Variants in CSMD3 observed in about 807,000 individuals in gnomAD.
The protein encoded by CSMD3 is CUB and sushi domain-containing protein 3.
CSMD3 carries 177 observed loss-of-function variants against 435.2 expected under a neutral mutation model. That is an observed-to-expected ratio of 0.41 (90% CI 0.36 to 0.46). The LOEUF is 0.46. CSMD3 is among the 20% of genes least tolerant of loss of function. The probability of loss-of-function intolerance (pLI) is 0.34; values close to 1 mark genes in which losing one functional copy is unlikely to be tolerated. For synonymous variants in CSMD3, 1,656 were observed against 1,520.5 expected, an observed-to-expected ratio of 1.09 and a Z score of -2.07; for missense variants, 4,265 against 4,504.6, an observed-to-expected ratio of 0.95 and a Z score of 1.52.
In CSMD3 at chr8:113,397,857, TAAATAAATAAAG is replaced by T. The variant is rs1304670570; in HGVS notation, c.178+38808_178+38819del. Among the ~76,000 whole-genome samples the T allele has an allele frequency of 3.4e-3, 505 of 146,580 alleles. 2 individuals carry two copies. The highest frequency in any genetic ancestry group is 0.013 in the African/African-American group (492 of 38,798). On this transcript the variant is annotated intron_variant, in intron 1 of 70. Coordinates refer to ENST00000297405, the MANE Select transcript of CSMD3 (RefSeq NM_198123.2). ...ATAAATAAATAAATAAATAAATAAA[TAAATAAATAAAG>T]AACACAGACTCTGGAAATAAATAGA...
chr8:112,572,524 G>C (rs1404703537), intron 24 of CSMD3, among the ~76,000 whole-genome samples: 1 of 151,932 alleles, frequency 6.6e-6, no homozygotes, highest in East Asian at 1.9e-4. Flanking sequence ...GATTATCTTT[G>C]ATACTGTAAC....
chr8:112,266,566 T>G (rs555757807), intron 59 of CSMD3, among the ~76,000 whole-genome samples: 1 of 152,346 alleles, frequency 6.6e-6, no homozygotes, highest in East Asian at 1.9e-4. Flanking sequence ...CATTAAACTC[T>G]AAGCACAAGA....
chr8:113,355,743 TATATATACAC>T (rs2094219924), intron 1 of CSMD3, among the ~76,000 whole-genome samples: 2 of 104,810 alleles, frequency 1.9e-5, no homozygotes, highest in Non-Finnish European at 3.5e-5. Flanking sequence ...TATATATATA[TATATATACAC>T]ACACACACAC....
At chr8:113,357,387 C>A (rs996212504) in intron 1 of CSMD3, among the ~76,000 whole-genome samples, 3 of 152,130 alleles carry the variant, frequency 2.0e-5, no homozygotes, top group African/African-American at 4.8e-5. Flanking sequence ...ATGATCTAAA[C>A]CAGTTGCTGC....
intron 1 of CSMD3, among the ~76,000 whole-genome samples, chr8:113,404,734 A>T (rs1467290667): frequency 6.6e-6 from 1 of 151,424 alleles, no homozygotes; most frequent in Non-Finnish European, 1.5e-5. Flanking sequence ...GAGAATTAAA[A>T]TATGGCATAA....
chr8:113,200,687 G>A (rs753126188), intron 3 of CSMD3, among the ~76,000 whole-genome samples: 15 of 150,694 alleles, frequency 1.0e-4, no homozygotes, highest in Non-Finnish European at 1.9e-4. Flanking sequence ...GCTTCATAAC[G>A]AAATGAAGAT....
At chr8:112,245,007 T>C (rs1190035962) in intron 64 of CSMD3, among the ~76,000 whole-genome samples, 1 of 151,796 alleles carries the variant, frequency 6.6e-6, no homozygotes, top group African/African-American at 2.4e-5. Context: ...TTTTATAAAT[T>C]TTAAATGTAT....
intron 13 of CSMD3, among the ~76,000 whole-genome samples, chr8:112,731,129 G>A (rs2077064271): frequency 6.6e-6 from 1 of 151,934 alleles, no homozygotes; most frequent in Non-Finnish European, 1.5e-5. Context: ...GACATATGAA[G>A]TACACATTTC....
chr8:113,136,672 G>A (rs2091426135), intron 4 of CSMD3, among the ~76,000 whole-genome samples: 1 of 151,626 alleles, frequency 6.6e-6, no homozygotes, highest in Non-Finnish European at 1.5e-5. Flanking sequence ...AATGGAAAGT[G>A]AGGAAGGGAA....
chr8:112,851,430 G>A (rs1392846329), intron 11 of CSMD3, among the ~76,000 whole-genome samples: 7 of 152,054 alleles, frequency 4.6e-5, no homozygotes, highest in Non-Finnish European at 8.8e-5. Flanking sequence ...AAACCCATGA[G>A]AGAGAGAATC....
At chr8:112,253,174 TTC>T (rs1198812451) in intron 63 of CSMD3, among the ~76,000 whole-genome samples, 1 of 151,952 alleles carries the variant, frequency 6.6e-6, no homozygotes, top group Non-Finnish European at 1.5e-5. Flanking sequence ...GCAAGTCACA[TTC>T]TGTTTCAGTT....
chr8:113,040,394 A>G (rs2087555945), intron 5 of CSMD3, among the ~76,000 whole-genome samples: 1 of 152,186 alleles, frequency 6.6e-6, no homozygotes, highest in African/African-American at 2.4e-5. Context: ...TCTGATTTGC[A>G]TCTGATAAAA....
In CSMD3 at chr8:112,352,658, G is replaced by A. The variant is rs549003842; in HGVS notation, c.6137-124C>T. The A allele has an allele frequency of 4.8e-3, 3,990 of 836,180 alleles. 19 individuals are homozygous for A. Among genetic ancestry groups the A allele is most frequent in the Non-Finnish European group, 6.6e-3 (3,274 of 495,920 alleles). The allele number at this position is 836,180 out of a possible 1,614,324, so 51.8% of individuals were successfully genotyped here. A position where few individuals can be genotyped will look rare whatever the true frequency, so the allele number is the denominator to read the frequency against. On this transcript the variant is annotated intron_variant, in intron 38 of 70. Coordinates refer to ENST00000297405, the MANE Select transcript of CSMD3 (RefSeq NM_198123.2). ...AAACTAGATACTATATTGAGACGTT[G>A]AGAACGTTCTGTGAACAAGATTTAA...
At chr8:113,278,026 T>G (rs945655560) in intron 3 of CSMD3, among the ~76,000 whole-genome samples, 1 of 152,002 alleles carries the variant, frequency 6.6e-6, no homozygotes, top group Non-Finnish European at 1.5e-5. Context: ...ATGTCCTCTA[T>G]TCATTTGGCA....
intron 13 of CSMD3, among the ~76,000 whole-genome samples, chr8:112,797,476 C>A (rs2078856450): frequency 6.6e-6 from 1 of 151,814 alleles, no homozygotes; most frequent in African/African-American, 2.4e-5. Flanking sequence ...AAAACAAGGA[C>A]TAAATTACAC....
chr8:112,460,197 A>AT (rs1350284075), intron 32 of CSMD3, among the ~76,000 whole-genome samples: 2 of 152,060 alleles, frequency 1.3e-5, no homozygotes, highest in Non-Finnish European at 2.9e-5. Flanking sequence ...TAACCTGAAC[A>AT]TTCAGATTCT....
At chr8:113,022,668 T>C (rs113964009) in intron 5 of CSMD3, among the ~76,000 whole-genome samples, 13 of 151,790 alleles carry the variant, frequency 8.6e-5, no homozygotes, top group African/African-American at 3.1e-4. Context: ...TTAGGATAAT[T>C]ATATCAAGAA....
At chr8:112,386,099 C>T (rs1443669526) in intron 36 of CSMD3, among the ~76,000 whole-genome samples, 3 of 152,112 alleles carry the variant, frequency 2.0e-5, no homozygotes, top group Non-Finnish European at 4.4e-5. Flanking sequence ...CCAGCAGCCA[C>T]TAGAAGCTGG....
At chr8:112,552,095 T>A (rs1827732984) in intron 26 of CSMD3, among the ~76,000 whole-genome samples, 1 of 152,102 alleles carries the variant, frequency 6.6e-6, no homozygotes, top group South Asian at 2.1e-4. Flanking sequence ...ACAAATGTGT[T>A]TAGGGACAAG....
Sources: allele counts gnomAD v4.1 joint callset (sites outside exome capture counted in the v4.1 genomes callset), GRCh38; gene constraint gnomAD v4.1.1; transcripts MANE v1.5; gene names NCBI Gene and HGNC (gene_info 2026-07-23, HGNC 2026-07-21).